Variants in SEC14L2 observed in about 807,000 individuals in gnomAD.
SEC14L2 encodes the protein SEC14-like protein 2.
A neutral mutation model predicts 56.9 loss-of-function variants in SEC14L2; 50 were observed. That is an observed-to-expected ratio of 0.88 (90% CI 0.70 to 1.11). SEC14L2 has a LOEUF of 1.11. Among genes scored for constraint, SEC14L2 ranks in the 50% most tolerant of loss-of-function variants. SEC14L2 has a pLI of 0.00. For synonymous variants in SEC14L2, 179 were observed against 188.5 expected (o/e 0.95, Z 0.41); for missense variants, 414 against 500.7 (o/e 0.83, Z 1.65).
chr22:30,410,220 G>T (rs796204737), intron 7 of SEC14L2, among the ~76,000 whole-genome samples: 1 of 152,166 alleles, frequency 6.6e-6, no homozygotes. Context: ...CTATGATTGT[G>T]CCACTGCACT....
intron 3 of SEC14L2, 103 bp from the exon 4 acceptor site, chr22:30,406,992 T>C (rs537810528): frequency 9.1e-7 from 1 of 1,104,492 alleles, no homozygotes; most frequent in African/African-American, 1.5e-5. Context: ...CCTCAAGTGA[T>C]CCACCCGCCT....
intron 2 of SEC14L2, among the ~76,000 whole-genome samples, chr22:30,405,680 T>C (rs921762628): frequency 6.6e-6 from 1 of 152,066 alleles, no homozygotes; most frequent in Non-Finnish European, 1.5e-5. Flanking sequence ...TTCATCTTTG[T>C]TTTTTGTTTT....
chr22:30,419,206 A>G (rs531230018), intron 11 of SEC14L2, among the ~76,000 whole-genome samples: 2 of 152,258 alleles, frequency 1.3e-5, no homozygotes, highest in African/African-American at 4.8e-5. Context: ...TGACTCTCCC[A>G]GTGTTTTCAG....
chr22:30,416,308 G>T lies in SEC14L2; in HGVS notation c.986G>T (p.Arg329Leu). 6.2e-7 allele frequency: 1 copy of T among 1,614,224 alleles called. No individual in the cohort carries two copies. Among genetic ancestry groups the T allele is most frequent in the Non-Finnish European group, 8.5e-7 (1 of 1,180,028 alleles). ...FLKTKMGERQRAGEMTEVLPN... is the reference protein window; with the variant it reads ...FLKTKMGERQLAGEMTEVLPN... ...AAGACCAAGATGGGAGAGAGGCAGC[G>T]GGCAGGGGAGATGACAGAGGTGCTG... The change falls in exon 11 of 12, where the codon CGG becomes CTG. Residue 329 changes from arginine (R) to leucine (L), a missense_variant. Arg to Leu is a moderately radical substitution (Grantham distance 102, BLOSUM62 -2). Transcript: ENST00000615189.
At position 30,415,845 on chromosome 22, in the gene SEC14L2, A is replaced by G; in HGVS notation, c.751A>G (p.Asn251Asp). 1 of 1,614,176 alleles carries G rather than the reference A, an allele frequency of 6.2e-7. No homozygotes were observed. The highest frequency in any genetic ancestry group is 8.5e-7 in the Non-Finnish European group (1 of 1,180,034). The change falls in exon 9 of 12, where the codon AAC (asparagine) becomes GAC (aspartate). Residue 251 changes from asparagine to aspartate, a missense_variant. Asn to Asp is a conservative substitution (Grantham distance 23). Coordinates refer to ENST00000615189, the MANE Select transcript of SEC14L2 (RefSeq NM_012429.5). ...YGGTMTDPDG[N>D]PKCKSKINYG... ...GGGCACCATGACTGACCCTGATGGA[A>G]ACCCCAAGTGCAAATCCAAGGTATG... is the stretch of plus-strand genomic sequence containing the variant.
intron 8 of SEC14L2, among the ~76,000 whole-genome samples, chr22:30,413,140 C>T (rs1028823026): frequency 3.3e-5 from 5 of 152,132 alleles, no homozygotes; most frequent in South Asian, 2.1e-4. Context: ...CTTGTCAGTA[C>T]GTAAGACTGC....
chr22:30,416,356 A>G lies in SEC14L2; in HGVS notation c.1034A>G (p.His345Arg). ...CTGCCCAACCAGAGGTACAACTCCC[A>G]CCTGGTCCCTGAAGATGGGACCCTC... Reference protein sequence around the residue: ...EVLPNQRYNSHLVPEDGTLTC... With the variant: ...EVLPNQRYNSRLVPEDGTLTC... The change falls in exon 11 of 12, where the codon CAC (histidine) becomes CGC (arginine). Residue 345 changes from histidine (H) to arginine (R), a missense_variant. His to Arg is a conservative substitution (Grantham distance 29). Transcript: ENST00000615189. 1 of 1,614,214 alleles carries G rather than the reference A, an allele frequency of 6.2e-7. No individual in the cohort carries two copies. The highest frequency in any genetic ancestry group is 8.5e-7 in the Non-Finnish European group (1 of 1,180,038).
At chr22:30,419,859 G>C (rs1219777937) in intron 11 of SEC14L2, among the ~76,000 whole-genome samples, 2 of 152,116 alleles carry the variant, frequency 1.3e-5, no homozygotes, top group African/African-American at 4.8e-5. Context: ...GAGAGGGTAA[G>C]GTTGTACCTT....
At chr22:30,418,917 T>C (rs1934449307) in intron 11 of SEC14L2, among the ~76,000 whole-genome samples, 1 of 152,236 alleles carries the variant, frequency 6.6e-6, no homozygotes, top group Non-Finnish European at 1.5e-5. Context: ...CAGGCTTCTC[T>C]GGTCCTTATC....
chr22:30,422,207 C>T, intron 11 of SEC14L2, 70 bp from the exon 12 acceptor site: 1 of 1,589,178 alleles, frequency 6.3e-7, no homozygotes. Context: ...TAAACATCAA[C>T]AAAAATCACT....
chr22:30,415,090 A>G (rs1339239094), intron 8 of SEC14L2, among the ~76,000 whole-genome samples: 1 of 151,958 alleles, frequency 6.6e-6, no homozygotes, highest in African/African-American at 2.4e-5. Context: ...TATCACCTCC[A>G]TGGGGTAATA....
rs773889036 is a variant in SEC14L2, at chr22:30,415,959, G to C, written c.783G>C (p.Gly261=). 1 of 1,614,168 alleles carries C rather than the reference G, an allele frequency of 6.2e-7. No individual in the cohort carries two copies. ...NPKCKSKINY[G]GDIPRKYYVR... ...TGCCATGCTTCTAGATCAACTACGG[G>C]GGTGACATCCCCAGGAAGTATTATG... Residue 261 remains glycine (G), a synonymous_variant, in exon 10 of 12, where the codon GGG becomes GGC. Coordinates refer to ENST00000615189, the MANE Select transcript of SEC14L2 (RefSeq NM_012429.5).
At position 30,409,116 on chromosome 22, in the gene SEC14L2, T is replaced by C. The variant is rs1934177173; in HGVS notation, c.424-71T>C. The C allele has an allele frequency of 3.0e-6, 4 of 1,334,412 alleles. No individual in the cohort carries two copies. The South Asian group carries it at 4.7e-5, about 16-fold the overall frequency. 82.7% of individuals were successfully genotyped at this position (1,334,412 alleles called of 1,614,324 possible). A position where few individuals can be genotyped will look rare whatever the true frequency, so the allele number is the denominator to read the frequency against. On this transcript the variant is annotated intron_variant, in intron 5 of 11. Transcript: ENST00000615189. ...CTCTCTGGATGCACAGTGCAATCATTTGGCCTGGACTGGAACGGGCTTCTG... is the reference window on the plus strand; with the variant it reads ...CTCTCTGGATGCACAGTGCAATCATCTGGCCTGGACTGGAACGGGCTTCTG...
intron 8 of SEC14L2, among the ~76,000 whole-genome samples, chr22:30,414,781 A>G (rs1268529239): frequency 6.6e-6 from 1 of 151,480 alleles, no homozygotes; most frequent in African/African-American, 2.4e-5. Context: ...AAAAAAAAAG[A>G]GCCAAATTAC....
At position 30,424,277 on chromosome 22, in the gene SEC14L2, T is replaced by A. The variant is rs753018056; in HGVS notation, c.*1870T>A. ...ACTGTCTAATAATTCCACGCCAGCATTGCCGGTGTTTCAGGGGGTGGGAAC... is the reference window on the plus strand; with the variant it reads ...ACTGTCTAATAATTCCACGCCAGCAATGCCGGTGTTTCAGGGGGTGGGAAC... On this transcript the variant is annotated 3_prime_UTR_variant, in exon 12 of 12. Transcript: ENST00000615189. 6.1e-6 allele frequency: 1 copy of A among 163,796 alleles called. No individual in the cohort carries two copies. Among genetic ancestry groups the A allele is most frequent in the Admixed American group, 5.8e-5 (1 of 17,254 alleles). The allele number at this position is 163,796 out of a possible 1,614,324, so 10.1% of individuals were successfully genotyped here. A position where few individuals can be genotyped will look rare whatever the true frequency, so the allele number is the denominator to read the frequency against.
At chr22:30,409,831 T>G (rs941375583) in intron 7 of SEC14L2, among the ~76,000 whole-genome samples, 14 of 151,396 alleles carry the variant, frequency 9.2e-5, no homozygotes, top group African/African-American at 3.4e-4. Flanking sequence ...GTCTAGGAGT[T>G]TAAGGCTGCA....
At position 30,423,350 on chromosome 22, in the gene SEC14L2, C is replaced by T. The variant is rs968803836; in HGVS notation, c.*943C>T. The T allele has an allele frequency of 4.6e-5, 7 of 152,818 alleles. No homozygotes were observed. Among genetic ancestry groups the T allele is most frequent in the Non-Finnish European group, 7.3e-5 (5 of 68,158 alleles). 9.5% of individuals were successfully genotyped at this position (152,818 alleles called of 1,614,324 possible). On this transcript the variant is annotated 3_prime_UTR_variant, in exon 12 of 12. Coordinates refer to ENST00000615189, the MANE Select transcript of SEC14L2 (RefSeq NM_012429.5). ...GTGTCCCGCGGTGCCCGCCAACCCG[C>T]TTCCTGACTGACCTGAGCAAGGTCT...
intron 2 of SEC14L2, among the ~76,000 whole-genome samples, chr22:30,399,996 T>C (rs1306663743): frequency 2.6e-5 from 4 of 152,238 alleles, no homozygotes; most frequent in African/African-American, 4.8e-5. Flanking sequence ...CCCACAGCCT[T>C]TTCCATCTAC....
chr22:30,413,681 C>T (rs966061889), intron 8 of SEC14L2, among the ~76,000 whole-genome samples: 15 of 152,064 alleles, frequency 9.9e-5, no homozygotes, highest in South Asian at 2.1e-4. Context: ...TGGTGACACA[C>T]GAGAATTGGA....
Sources: gnomAD v4.1 joint callset for allele counts (sites outside exome capture counted in the v4.1 genomes callset) on GRCh38, gnomAD v4.1.1 for gene constraint, MANE v1.5 for transcripts, NCBI Gene and HGNC (gene_info 2026-07-23, HGNC 2026-07-21) for gene names.